The following C17orf75 variants were observed in gnomAD, a reference collection of about 807,000 sequenced individuals.
C17orf75 encodes the protein chromosome 17 open reading frame 75, also known as protein Njmu-R1.
A neutral mutation model predicts 49.6 loss-of-function variants in C17orf75; 32 were observed. The ratio of observed to expected loss-of-function variants is 0.65; its 90% CI spans 0.49 to 0.87. The LOEUF is 0.87. C17orf75 is among the 40% of genes least tolerant of loss of function. The probability of loss-of-function intolerance (pLI) is 0.00; values close to 1 mark genes in which losing one functional copy is unlikely to be tolerated. For synonymous variants in C17orf75, 158 were observed against 159.5 expected (o/e 0.99, Z 0.07); for missense variants, 428 against 473.9 (o/e 0.90, Z 0.90).
At chr17:32,343,851 G>T (rs1416715984), upstream of C17orf75, 6 of 676,662 alleles carry the variant, frequency 8.9e-6, no homozygotes, top group Non-Finnish European at 1.6e-5. Flanking sequence ...TTAGTTTTAA[G>T]CAGAAGAACT....
chr17:32,338,496 G>A, intron 3 of C17orf75, 145 bp from the exon 4 acceptor site: 1 of 780,476 alleles, frequency 1.3e-6, no homozygotes, highest in Non-Finnish European at 1.9e-6. Context: ...CTTCTCGTTG[G>A]TGTACTTGCA....
chr17:32,344,590 CAAAA>C (rs35084298), upstream of C17orf75, among the ~76,000 whole-genome samples: 6 of 82,110 alleles, frequency 7.3e-5, no homozygotes, highest in Admixed American at 2.9e-4. Context: ...GACTCTGTCT[CAAAA>C]AAAAAAAAAA....
At chr17:32,333,553 G>A in intron 8 of C17orf75, 33 bp from the exon 9 acceptor site, 1 of 1,516,586 alleles carries the variant, frequency 6.6e-7, no homozygotes, top group Non-Finnish European at 9.0e-7. Context: ...TAAATAAAAT[G>A]AAATTTTACA....
upstream of C17orf75, chr17:32,343,533 C>T (rs906361441): frequency 1.9e-5 from 6 of 320,298 alleles, no homozygotes; most frequent in Non-Finnish European, 2.8e-5. Flanking sequence ...CAGTCCTAAG[C>T]AATTATGGCA....
At chr17:32,343,277 CGT>C (rs1297447650), upstream of C17orf75, among the ~76,000 whole-genome samples, 11 of 151,482 alleles carry the variant, frequency 7.3e-5, no homozygotes, top group East Asian at 1.2e-3. Flanking sequence ...TTTAAGCCAC[CGT>C]GTGTGTGTGC....
chr17:32,335,921 T>C (rs1388574190), intron 5 of C17orf75, among the ~76,000 whole-genome samples: 2 of 152,116 alleles, frequency 1.3e-5, no homozygotes, highest in Non-Finnish European at 2.9e-5. Context: ...TGGGGAAGGA[T>C]ACAAGTAACT....
Position 32,331,652 on chromosome 17 carries a change from T to A in C17orf75, c.*111A>T. 4.6e-6 allele frequency: 4 copies of A among 868,634 alleles called. No individual in the cohort carries two copies. The highest frequency in any genetic ancestry group is 5.3e-6 in the Non-Finnish European group (3 of 564,200). The allele number at this position is 868,634 out of a possible 1,614,324, so 53.8% of individuals were successfully genotyped here. On this transcript the variant is annotated 3_prime_UTR_variant, in exon 10 of 10. Transcript: ENST00000577809. ...GTAAAATACAAAAAGAAAATCTGGA[T>A]TGAGTTTCAAATCATCTTAAATAGC... is the stretch of plus-strand genomic sequence containing the variant.
intron 8 of C17orf75, 85 bp from the exon 9 acceptor site, chr17:32,333,605 T>C: frequency 8.0e-7 from 1 of 1,250,864 alleles, no homozygotes; most frequent in South Asian, 1.3e-5. Flanking sequence ...AGATTCGCTC[T>C]TGTTGCCCGG....
At chr17:32,337,417 C>T (rs934596171) in intron 5 of C17orf75, among the ~76,000 whole-genome samples, 13 of 151,686 alleles carry the variant, frequency 8.6e-5, no homozygotes, top group South Asian at 4.2e-4. Flanking sequence ...TGAGCCTGAT[C>T]GCGCCACTGC....
intron 1 of C17orf75, among the ~76,000 whole-genome samples, chr17:32,349,269 G>T (rs1437980446): frequency 6.6e-6 from 1 of 152,084 alleles, no homozygotes; most frequent in Non-Finnish European, 1.5e-5. Flanking sequence ...CACCTTGCTT[G>T]CTCCCGTTGA....
upstream of C17orf75, among the ~76,000 whole-genome samples, chr17:32,346,684 T>C (rs1029188599): frequency 6.6e-6 from 1 of 152,050 alleles, no homozygotes; most frequent in African/African-American, 2.4e-5. Context: ...GCGATTCTCC[T>C]GCCTCAGCCT....
chr17:32,336,414 T>G (rs2150775882), intron 5 of C17orf75, among the ~76,000 whole-genome samples: 1 of 152,202 alleles, frequency 6.6e-6, no homozygotes. Flanking sequence ...GGGTTTCACT[T>G]TGTTGCCCAG....
rs2041344833 is a variant in C17orf75, at chr17:32,338,272, A to T, written c.427T>A (p.Ser143Thr). ...KLLPETVTID[S>T]ERNPSEYVVC... Reference sequence around the variant, plus strand: ...ACATATTCTGAAGGGTTACGTTCAGAGTCTATCGTTACTGTTTCAGGAAGC... The same window carrying T: ...ACATATTCTGAAGGGTTACGTTCAGTGTCTATCGTTACTGTTTCAGGAAGC... Residue 143 changes from serine (S) to threonine (T), a missense_variant, in exon 4 of 10, where the codon TCT (serine) becomes ACT (threonine). Transcript: ENST00000577809. 1.2e-6 allele frequency: 2 copies of T among 1,613,398 alleles called. No individual in the cohort carries two copies. Among genetic ancestry groups the T allele is most frequent in the East Asian group, 4.5e-5 (2 of 44,866 alleles).
In C17orf75 at chr17:32,334,461, T is replaced by C; in HGVS notation, c.871+8A>G. 6.2e-7 allele frequency: 1 copy of C among 1,610,054 alleles called. No individual in the cohort carries two copies. The highest frequency in any genetic ancestry group is 8.5e-7 in the Non-Finnish European group (1 of 1,178,270). ...TGTAGGAAGGCTGCTTCAGAGGTTGTAGCTCACCTGCATTGCAGAACTGAG... is the reference window on the plus strand; with the variant it reads ...TGTAGGAAGGCTGCTTCAGAGGTTGCAGCTCACCTGCATTGCAGAACTGAG... On this transcript the variant is annotated splice_region_variant and intron_variant, in intron 8 of 9. Transcript: ENST00000577809.
intron 1 of C17orf75, among the ~76,000 whole-genome samples, chr17:32,347,746 C>G (rs1235925044): frequency 1.3e-5 from 2 of 152,190 alleles, no homozygotes; most frequent in East Asian, 1.9e-4. Flanking sequence ...AATCCCCCCC[C>G]ACCCAGTTTA....
chr17:32,337,322 G>C (rs188526915), intron 5 of C17orf75, among the ~76,000 whole-genome samples: 1 of 151,982 alleles, frequency 6.6e-6, no homozygotes, highest in Non-Finnish European at 1.5e-5. Context: ...AGTTAGCCAG[G>C]CGTGTTGGTA....
chr17:32,340,875 G>A (rs2041373176), intron 2 of C17orf75: 1 of 251,918 alleles, frequency 4.0e-6, no homozygotes, highest in Non-Finnish European at 7.9e-6. Flanking sequence ...GGCCGGGGAG[G>A]TTGACGCTGC....
Position 32,342,051 on chromosome 17 carries a change from A to G in C17orf75, c.89T>C (p.Leu30Pro), listed in dbSNP as rs1440083313. The G allele has an allele frequency of 5.8e-6, 9 of 1,556,484 alleles. No homozygotes were observed. The East Asian group carries it at 2.2e-4, about 38-fold the overall frequency. Residue 30 changes from leucine (L) to proline (P), a missense_variant, in exon 1 of 10, where the codon CTC becomes CCC. By Grantham distance (98) the Leu-to-Pro change is moderately conservative (BLOSUM62 -3). Coordinates refer to ENST00000577809, the MANE Select transcript of C17orf75 (RefSeq NM_022344.4). ...GTAGTGGCTGCTGGACGGCGGCTCG[A>G]GTCTCCGCTCCTCGGCTGAGCCTCC... is the stretch of plus-strand genomic sequence containing the variant. The part of the protein sequence containing the change: ...EEGGSAEERR[L>P]EPPSSSHYCL...
At chr17:32,349,449 C>G (rs2041461890) in intron 1 of C17orf75, among the ~76,000 whole-genome samples, 1 of 152,020 alleles carries the variant, frequency 6.6e-6, no homozygotes, top group Admixed American at 6.6e-5. Flanking sequence ...GGCTTGGTGG[C>G]GCGGGCCTGC....
Sources: allele counts gnomAD v4.1 joint callset (sites outside exome capture counted in the v4.1 genomes callset), GRCh38; gene constraint gnomAD v4.1.1; transcripts MANE v1.5; gene names NCBI Gene and HGNC (gene_info 2026-07-23, HGNC 2026-07-21).